Variants in LUZP2 observed in about 807,000 individuals in gnomAD.
The protein encoded by LUZP2 is leucine zipper protein 2.
A neutral mutation model predicts 51.6 loss-of-function variants in LUZP2; 52 were observed. The observed-to-expected ratio is 1.01, with a 90% CI of 0.81 to 1.27. LUZP2 has a LOEUF of 1.27. LUZP2 is among the 50% of genes most tolerant of loss of function. The probability of loss-of-function intolerance (pLI) is 0.00; values close to 1 mark genes in which losing one functional copy is unlikely to be tolerated. For missense variants in LUZP2, 436 were observed against 395.4 expected (o/e 1.10, Z -0.87); for synonymous variants, 154 against 137.3 (o/e 1.12, Z -0.85).
At chr11:24,743,437 C>T (rs910289333) in intron 4 of LUZP2, among the ~76,000 whole-genome samples, 5 of 151,328 alleles carry the variant, frequency 3.3e-5, no homozygotes, top group African/African-American at 1.2e-4. Context: ...AAGTATTTTA[C>T]TTTTTTTGCA....
chr11:24,978,286 A>T (rs557092075), intron 8 of LUZP2, among the ~76,000 whole-genome samples: 1 of 151,836 alleles, frequency 6.6e-6, no homozygotes, highest in Non-Finnish European at 1.5e-5. Context: ...TATTACTTTT[A>T]AAAAATGTAT....
chr11:24,622,947 A>G (rs1854548781), intron 1 of LUZP2, among the ~76,000 whole-genome samples: 1 of 152,234 alleles, frequency 6.6e-6, no homozygotes, highest in Non-Finnish European at 1.5e-5. Flanking sequence ...ATTGCACTTT[A>G]GAAGAAAAGA....
intron 5 of LUZP2, among the ~76,000 whole-genome samples, chr11:24,777,531 A>G (rs1404530543): frequency 6.6e-6 from 1 of 152,206 alleles, no homozygotes; most frequent in East Asian, 1.9e-4. Context: ...GTGGATTCCT[A>G]ATGAAAATCT....
chr11:24,747,553 G>A (rs1341824241), intron 4 of LUZP2, among the ~76,000 whole-genome samples: 1 of 152,120 alleles, frequency 6.6e-6, no homozygotes, highest in African/African-American at 2.4e-5. Flanking sequence ...CCTTTCCAGA[G>A]AGCATCAGCT....
At chr11:24,987,020 A>T (rs144444323) in intron 9 of LUZP2, among the ~76,000 whole-genome samples, 3 of 151,770 alleles carry the variant, frequency 2.0e-5, no homozygotes, top group Non-Finnish European at 4.4e-5. Flanking sequence ...CTTTTCTAAG[A>T]CTCATCTTTC....
chr11:24,588,603 G>T (rs1290108599), intron 1 of LUZP2, among the ~76,000 whole-genome samples: 1 of 149,030 alleles, frequency 6.7e-6, no homozygotes, highest in African/African-American at 2.5e-5. Flanking sequence ...CCAAGCTTAG[G>T]CTCATTTAGA....
At chr11:24,701,642 T>C (rs1857425863) in intron 1 of LUZP2, 1 of 152,498 alleles carries the variant, frequency 6.6e-6, no homozygotes, top group African/African-American at 2.4e-5. Context: ...AAGATTTTTA[T>C]CAACTATTTT....
intron 1 of LUZP2, among the ~76,000 whole-genome samples, chr11:24,681,443 A>T (rs11028103): frequency 0.19 from 28,146 of 152,102 alleles, 2,703 homozygotes; most frequent in East Asian, 0.33. Flanking sequence ...TTTCAAATCT[A>T]AGGAATTCTC....
chr11:25,078,386 T>C, intron 11 of LUZP2, among the ~76,000 whole-genome samples, 168 bp from the exon 12 acceptor site: 1 of 152,252 alleles, frequency 6.6e-6, no homozygotes, highest in Non-Finnish European at 1.5e-5. Context: ...TTTTATGAAA[T>C]ATAATTAACA....
At chr11:24,942,068 T>A (rs1854767076) in intron 7 of LUZP2, among the ~76,000 whole-genome samples, 1 of 152,190 alleles carries the variant, frequency 6.6e-6, no homozygotes, top group African/African-American at 2.4e-5. Context: ...TTAATGCTAA[T>A]TTCATTTCAT....
chr11:24,947,822 G>A (rs1160627617), intron 7 of LUZP2, among the ~76,000 whole-genome samples: 1 of 151,782 alleles, frequency 6.6e-6, no homozygotes, highest in Admixed American at 6.6e-5. Flanking sequence ...GAAAGCCGCT[G>A]TTGTTAGTCT....
At chr11:24,882,340 G>A (rs961261266) in intron 5 of LUZP2, among the ~76,000 whole-genome samples, 3 of 149,282 alleles carry the variant, frequency 2.0e-5, no homozygotes, top group African/African-American at 5.1e-5. Context: ...AATCAAGTAC[G>A]GAGTTCTGAT....
chr11:25,060,362 CCT>C (rs1439603636), intron 10 of LUZP2, among the ~76,000 whole-genome samples: 1 of 152,102 alleles, frequency 6.6e-6, no homozygotes, highest in Non-Finnish European at 1.5e-5. Context: ...GTCTCTGAAG[CCT>C]CTTTTATAAG....
At chr11:24,607,040 A>G (rs2133878367) in intron 1 of LUZP2, among the ~76,000 whole-genome samples, 1 of 151,908 alleles carries the variant, frequency 6.6e-6, no homozygotes, top group East Asian at 1.9e-4. Context: ...TATATTTTGG[A>G]TGTTAATCTC....
intron 1 of LUZP2, among the ~76,000 whole-genome samples, chr11:24,667,618 T>C (rs1376537462): frequency 6.6e-6 from 1 of 152,236 alleles, no homozygotes; most frequent in Non-Finnish European, 1.5e-5. Context: ...AGCTGATGTT[T>C]ATTCCTGAGA....
At chr11:24,748,394 TG>T (rs1008632551) in intron 4 of LUZP2, among the ~76,000 whole-genome samples, 3 of 152,000 alleles carry the variant, frequency 2.0e-5, no homozygotes, top group African/African-American at 2.4e-5. Context: ...TCACAGTATT[TG>T]GGGTGTCTCC....
At chr11:24,660,305 A>G (rs1283291461) in intron 1 of LUZP2, among the ~76,000 whole-genome samples, 2 of 152,172 alleles carry the variant, frequency 1.3e-5, no homozygotes, top group Non-Finnish European at 2.9e-5. Context: ...AAATAAAATA[A>G]TGGGGCTGAC....
At chr11:24,957,536 C>T (rs1209342896) in intron 7 of LUZP2, among the ~76,000 whole-genome samples, 1 of 152,084 alleles carries the variant, frequency 6.6e-6, no homozygotes, top group Non-Finnish European at 1.5e-5. Context: ...CTATTTACCA[C>T]CGTCCAACTC....
In LUZP2 at chr11:24,692,299, T is replaced by C. The variant is rs909912075; in HGVS notation, c.63-36870T>C. Among the ~76,000 whole-genome samples the C allele has an allele frequency of 5.9e-5, 9 of 152,110 alleles. No homozygotes were observed. The East Asian group carries it at 7.8e-4, about 13-fold the overall frequency. ...TGCAGAAGCAAAAAGTGCTGAAAAA[T>C]GGCCGTATCAGGTTCTACGTTCCTG... On this transcript the variant is annotated intron_variant, in intron 1 of 11. Transcript: ENST00000336930.
Sources: allele counts gnomAD v4.1 joint callset (sites outside exome capture counted in the v4.1 genomes callset), GRCh38; gene constraint gnomAD v4.1.1; transcripts MANE v1.5; gene names NCBI Gene and HGNC (gene_info 2026-07-23, HGNC 2026-07-21).